CLYBL: variants seen among roughly 807,000 people sequenced by gnomAD.
CLYBL encodes the protein citramalyl-CoA lyase, mitochondrial.
CLYBL carries 31 observed loss-of-function variants against 38.9 expected under a neutral mutation model. The ratio of observed to expected loss-of-function variants is 0.80; its 90% CI spans 0.60 to 1.08. CLYBL has a LOEUF of 1.08. Ranked by LOEUF, CLYBL falls within the 50% of genes least tolerant of loss-of-function variation. The pLI is 0.00. For missense variants in CLYBL, 434 were observed against 411.6 expected (o/e 1.05, Z -0.47); for synonymous variants, 171 against 158.6 (o/e 1.08, Z -0.59).
intron 2 of CLYBL, among the ~76,000 whole-genome samples, chr13:99,804,086 G>A (rs1160949104): frequency 6.6e-6 from 1 of 152,226 alleles, no homozygotes; most frequent in Admixed American, 6.5e-5. Flanking sequence ...TTCAGAGGGT[G>A]GAGTGAGGAC....
At chr13:99,755,561 C>T (rs186360791) in intron 1 of CLYBL, among the ~76,000 whole-genome samples, 1 of 152,302 alleles carries the variant, frequency 6.6e-6, no homozygotes, top group Non-Finnish European at 1.5e-5. Flanking sequence ...TCTGACAGCT[C>T]CCTTGCAGGC....
intron 1 of CLYBL, among the ~76,000 whole-genome samples, chr13:99,752,992 C>T (rs542508090): frequency 6.6e-6 from 1 of 152,180 alleles, no homozygotes; most frequent in East Asian, 1.9e-4. Context: ...TTCTGGAGGA[C>T]AGCATCCCAG....
At chr13:99,838,760 C>A (rs368504065) in intron 2 of CLYBL, among the ~76,000 whole-genome samples, 1 of 152,178 alleles carries the variant, frequency 6.6e-6, no homozygotes, top group South Asian at 2.1e-4. Flanking sequence ...CTCAGCCTCC[C>A]GAGTAGCTGG....
chr13:99,813,204 A>G (rs1163624540), intron 2 of CLYBL, among the ~76,000 whole-genome samples: 1 of 152,184 alleles, frequency 6.6e-6, no homozygotes. Context: ...CCTGACCTTA[A>G]TGGGGGTCCC....
chr13:99,713,206 C>T (rs1272859207), intron 1 of CLYBL, among the ~76,000 whole-genome samples: 1 of 152,000 alleles, frequency 6.6e-6, no homozygotes, highest in Non-Finnish European at 1.5e-5. Context: ...CTCCCTAGTC[C>T]TCTCAAACTT....
At chr13:99,745,515 C>G (rs1044526339) in intron 1 of CLYBL, among the ~76,000 whole-genome samples, 2 of 152,118 alleles carry the variant, frequency 1.3e-5, no homozygotes, top group Admixed American at 1.3e-4. Context: ...GAAGTCTTAC[C>G]TTAAATAGAT....
chr13:99,742,182 A>T (rs2048768478), intron 1 of CLYBL, among the ~76,000 whole-genome samples: 4 of 152,038 alleles, frequency 2.6e-5, no homozygotes, highest in Non-Finnish European at 5.9e-5. Flanking sequence ...CGGTTCCGGG[A>T]GCCCTTTCAC....
chr13:99,801,262 TC>T (rs2050131493), intron 2 of CLYBL, among the ~76,000 whole-genome samples: 1 of 152,178 alleles, frequency 6.6e-6, no homozygotes, highest in Admixed American at 6.5e-5. Context: ...TTTTCCCTTT[TC>T]CCCCTGCCTA....
At chr13:99,709,404 C>T (rs1466624333) in intron 1 of CLYBL, among the ~76,000 whole-genome samples, 2 of 152,210 alleles carry the variant, frequency 1.3e-5, no homozygotes, top group Non-Finnish European at 1.5e-5. Flanking sequence ...GCTGGCAGCA[C>T]CGTCCTCCGC....
At chr13:99,776,492 T>C (rs1045296354) in intron 2 of CLYBL, among the ~76,000 whole-genome samples, 2 of 133,760 alleles carry the variant, frequency 1.5e-5, no homozygotes, top group African/African-American at 2.8e-5. Context: ...CAGGACTCTG[T>C]CTCAAAAAAA....
intron 7 of CLYBL, among the ~76,000 whole-genome samples, chr13:99,875,686 A>G (rs1323324036): frequency 6.6e-6 from 1 of 152,218 alleles, no homozygotes; most frequent in Non-Finnish European, 1.5e-5. Context: ...GTCAACTGAA[A>G]GGGTTGATTC....
At chr13:99,732,721 A>G (rs9585205) in intron 1 of CLYBL, among the ~76,000 whole-genome samples, 3,346 of 152,298 alleles carry the variant, frequency 0.022, 110 homozygotes, top group African/African-American at 0.077. Flanking sequence ...AGATATGAAA[A>G]TATGAAAATA....
chr13:99,663,710 C>T (rs1380825756), intron 1 of CLYBL, among the ~76,000 whole-genome samples: 2 of 152,184 alleles, frequency 1.3e-5, no homozygotes, highest in Non-Finnish European at 2.9e-5. Context: ...GAGCTTGTCA[C>T]CTTTGTGCGG....
In CLYBL at chr13:99,606,771, C is replaced by A; in HGVS notation, c.62+14C>A. Reference sequence around the variant, plus strand: ...GCTGCTGAGGCTGTGAGTGCAGGTCCCCGTTCCCCGCCTTCCCGGCCCGGC... The same window carrying A: ...GCTGCTGAGGCTGTGAGTGCAGGTCACCGTTCCCCGCCTTCCCGGCCCGGC... On this transcript the variant is annotated intron_variant, in intron 1 of 8. Coordinates refer to ENST00000339105, the MANE Select transcript of CLYBL (RefSeq NM_206808.5). 7.1e-7 allele frequency: 1 copy of A among 1,413,076 alleles called. No homozygotes were observed. Among genetic ancestry groups the A allele is most frequent in the Non-Finnish European group, 9.2e-7 (1 of 1,086,432 alleles). 87.5% of individuals were successfully genotyped at this position (1,413,076 alleles called of 1,614,324 possible). A position where few individuals can be genotyped will look rare whatever the true frequency, so the allele number is the denominator to read the frequency against.
intron 2 of CLYBL, among the ~76,000 whole-genome samples, chr13:99,789,448 G>A (rs1258679675): frequency 6.6e-6 from 1 of 152,156 alleles, no homozygotes. Flanking sequence ...CCTTCATTTC[G>A]TTATGTACCC....
chr13:99,716,169 A>ATTTTTTTTTTTTTTTTTT lies in CLYBL; in HGVS notation c.63-56634_63-56617dup, dbSNP rs4001024. On this transcript the variant is annotated intron_variant, in intron 1 of 8. Transcript: ENST00000339105. ...AAATTGTCCTTGCTTTATTGGTGTA[A>ATTTTTTTTTTTTTTTTTT]TTTTTTTTTTTTTTTTTTTTTTTTT... Among the ~76,000 whole-genome samples, 30 of 33,464 alleles carry ATTTTTTTTTTTTTTTTTT rather than the reference A, an allele frequency of 9.0e-4. 12 individuals are homozygous for ATTTTTTTTTTTTTTTTTT. The highest frequency in any genetic ancestry group is 1.2e-3 in the Admixed American group (3 of 2,500). The allele number at this position is 33,464 out of a possible 152,430, so 22.0% of individuals were successfully genotyped here. A position where few individuals can be genotyped will look rare whatever the true frequency, so the allele number is the denominator to read the frequency against.
chr13:99,761,265 A>G (rs2049159700), intron 1 of CLYBL, among the ~76,000 whole-genome samples: 1 of 152,230 alleles, frequency 6.6e-6, no homozygotes, highest in Non-Finnish European at 1.5e-5. Context: ...AGGCAGGAGA[A>G]TGGCGTGAAC....
chr13:99,673,062 T>C (rs2047590889), intron 1 of CLYBL, among the ~76,000 whole-genome samples: 1 of 151,982 alleles, frequency 6.6e-6, no homozygotes, highest in East Asian at 1.9e-4. Flanking sequence ...ACAACAGAGA[T>C]AAATAAGTTG....
chr13:99,624,618 CA>C (rs1332707784), intron 1 of CLYBL, among the ~76,000 whole-genome samples: 3 of 152,170 alleles, frequency 2.0e-5, no homozygotes, highest in Non-Finnish European at 4.4e-5. Flanking sequence ...TTGGTTTATG[CA>C]GTTGAGTTGT....
Sources: allele counts gnomAD v4.1 joint callset (sites outside exome capture counted in the v4.1 genomes callset), GRCh38; gene constraint gnomAD v4.1.1; transcripts MANE v1.5; gene names NCBI Gene and HGNC (gene_info 2026-07-23, HGNC 2026-07-21).